The following MAN2B1 variants were observed in gnomAD, a reference collection of about 807,000 sequenced individuals.
MAN2B1 encodes the protein lysosomal alpha-mannosidase.
Under a neutral mutation model 127.5 loss-of-function variants are expected in MAN2B1, and 99 were observed. The ratio of observed to expected loss-of-function variants is 0.78; its 90% CI spans 0.66 to 0.92. The LOEUF is 0.92. MAN2B1 is among the 40% of genes least tolerant of loss of function. MAN2B1 has a pLI of 0.00. For synonymous variants in MAN2B1, 573 were observed against 568.8 expected (o/e 1.01, Z -0.11); for missense variants, 1,304 against 1,384.8 (o/e 0.94, Z 0.93).
At chr19:12,656,462 T>G in intron 13 of MAN2B1, 109 bp downstream of exon 13, 1 of 766,908 alleles carries the variant, frequency 1.3e-6, no homozygotes, top group South Asian at 1.5e-5. Flanking sequence ...GGAAGAGATA[T>G]GCATGAGTGG....
At position 12,663,432 on chromosome 19, in the gene MAN2B1, C is replaced by T. The variant is rs1356568373; in HGVS notation, c.794G>A (p.Arg265Lys). 1 of 1,614,152 alleles carries T rather than the reference C, an allele frequency of 6.2e-7. No homozygotes were observed. Among genetic ancestry groups the T allele is most frequent in the South Asian group, 1.1e-5 (1 of 91,088 alleles). Reference sequence around the variant, plus strand: ...ACACAGCACATCCCAGCACAGATTCCTTGGCGGGTTGTAACCATTGGGAAG... The same window carrying T: ...ACACAGCACATCCCAGCACAGATTCTTTGGCGGGTTGTAACCATTGGGAAG... Reference protein sequence around the residue: ...GVLPNGYNPPRNLCWDVLCVD... With the variant: ...GVLPNGYNPPKNLCWDVLCVD... The change falls in exon 6 of 24, where the codon AGG (arginine) becomes AAG (lysine). Residue 265 changes from arginine (R) to lysine (K), a missense_variant. Coordinates refer to ENST00000456935, the MANE Select transcript of MAN2B1 (RefSeq NM_000528.4).
rs2024016754 is a variant in MAN2B1, at chr19:12,658,156, G to A, written c.1231-15C>T. 22 of 1,613,442 alleles carry A rather than the reference G, an allele frequency of 1.4e-5. No homozygotes were observed. The highest frequency in any genetic ancestry group is 1.9e-5 in the Non-Finnish European group (22 of 1,179,948). On this transcript the variant is annotated splice_polypyrimidine_tract_variant and intron_variant, in intron 9 of 23. Transcript: ENST00000456935. The stretch of plus-strand genomic sequence containing the variant: ...TGGTTGCACACCTGGAGGCAGAGGG[G>A]TATGTTGGGGCGCCCAGCCTGTCGG...
chr19:12,665,943 G>C (rs950941453), intron 1 of MAN2B1, 138 bp from the exon 2 acceptor site: 2 of 713,494 alleles, frequency 2.8e-6, no homozygotes, highest in South Asian at 3.0e-5. Context: ...GGCCCTCCCA[G>C]GCAGGACACA....
At chr19:12,648,054 G>A in intron 21 of MAN2B1, 121 bp downstream of exon 21, 2 of 1,062,012 alleles carry the variant, frequency 1.9e-6, no homozygotes, top group South Asian at 1.4e-5. Flanking sequence ...GGGTTGGCCC[G>A]AGGGTTTGGG....
chr19:12,653,973 C>A (rs1378085684), intron 14 of MAN2B1, among the ~76,000 whole-genome samples: 1 of 152,136 alleles, frequency 6.6e-6, no homozygotes, highest in Non-Finnish European at 1.5e-5. Flanking sequence ...CCAGCCTCAG[C>A]CTCCCAAAGT....
In MAN2B1 at chr19:12,665,008, A is replaced by T. The variant is rs879024862; in HGVS notation, c.437-23T>A. Reference sequence around the variant, plus strand: ...GCCCTGTGCCAGGACAGGCAAGGTCAGGGTCAGCGGTCAGAGCCAGGAGTG... The same window carrying T: ...GCCCTGTGCCAGGACAGGCAAGGTCTGGGTCAGCGGTCAGAGCCAGGAGTG... On this transcript the variant is annotated intron_variant, in intron 3 of 23. Coordinates refer to ENST00000456935, the MANE Select transcript of MAN2B1 (RefSeq NM_000528.4). 3 of 1,609,650 alleles carry T rather than the reference A, an allele frequency of 1.9e-6. No homozygotes were observed. The South Asian group carries it at 3.3e-5, about 18-fold the overall frequency.
chr19:12,663,324 G>A lies in MAN2B1; in HGVS notation c.902C>T (p.Thr301Ile). 3 of 1,614,210 alleles carry A rather than the reference G, an allele frequency of 1.9e-6. No homozygotes were observed. Among genetic ancestry groups the A allele is most frequent in the Non-Finnish European group, 2.5e-6 (3 of 1,180,034 alleles). ...TCTGGACACCAGGGTTACCTGGGCA[G>A]TGGCCACATTTAGGAAGTAATCGAC... Reference protein sequence around the residue: ...ELVDYFLNVATAQGRYYRTNH... With the variant: ...ELVDYFLNVAIAQGRYYRTNH... The change falls in exon 6 of 24, where the codon ACT (threonine) becomes ATT (isoleucine). Residue 301 changes from threonine to isoleucine, a missense_variant. Coordinates refer to ENST00000456935, the MANE Select transcript of MAN2B1 (RefSeq NM_000528.4).
chr19:12,665,854 C>A (rs758380232), intron 1 of MAN2B1, 49 bp from the exon 2 acceptor site: 8 of 1,464,744 alleles, frequency 5.5e-6, no homozygotes, highest in South Asian at 2.3e-5. Flanking sequence ...CCCCCGAGGT[C>A]GGGGGCTGCA....
intron 20 of MAN2B1, 43 bp downstream of exon 20, chr19:12,649,093 G>T (rs775862875): frequency 6.4e-7 from 1 of 1,556,680 alleles, no homozygotes. Flanking sequence ...CAGGGGTCCA[G>T]GTTGGGAGGA....
In MAN2B1 at chr19:12,657,563, T is replaced by C; in HGVS notation, c.1310-8A>G. The C allele has an allele frequency of 6.4e-7, 1 of 1,555,406 alleles. No homozygotes were observed. The highest frequency in any genetic ancestry group is 8.7e-7 in the Non-Finnish European group (1 of 1,149,028). On this transcript the variant is annotated splice_region_variant and splice_polypyrimidine_tract_variant and intron_variant, in intron 10 of 23. Coordinates refer to ENST00000456935, the MANE Select transcript of MAN2B1 (RefSeq NM_000528.4). ...GCACAGCCATCGCCTCATCTGCTCA[T>C]AGACAATGAGTCCGGTGAGGTTCTG...
intron 18 of MAN2B1, 47 bp from the exon 19 acceptor site, chr19:12,649,475 C>CTATT: frequency 1.7e-6 from 1 of 574,492 alleles, no homozygotes; most frequent in Non-Finnish European, 2.8e-6. Flanking sequence ...GGCTCCCCAA[C>CTATT]TCTTTTTTTT....
chr19:12,648,243 C>A lies in MAN2B1; in HGVS notation c.2596G>T (p.Ala866Ser), dbSNP rs1178086242. 1 of 1,596,472 alleles carries A rather than the reference C, an allele frequency of 6.3e-7. No homozygotes were observed. The highest frequency in any genetic ancestry group is 1.1e-5 in the South Asian group (1 of 89,592). ...CCCGGGGCCAGCACCACCTGAGGGG[C>A]CAGGACCTCCTGCTCCGCCAGGAGC... ...HRLLAEQEVL[A>S]PQVVLAPGGG... is the part of the protein sequence containing the mutation. Residue 866 changes from alanine (A) to serine (S), a missense_variant, in exon 21 of 24, where the codon GCC (alanine) becomes TCC (serine). Ala to Ser is a moderately conservative substitution (Grantham distance 99, BLOSUM62 1). Transcript: ENST00000456935.
intron 4 of MAN2B1, among the ~76,000 whole-genome samples, chr19:12,664,111 A>G (rs1167885808): frequency 6.6e-6 from 1 of 152,190 alleles, no homozygotes; most frequent in Admixed American, 6.5e-5. Context: ...TTGTAGTCTC[A>G]TCTACTAGGG....
chr19:12,652,040 C>A (rs2023849384), intron 16 of MAN2B1, 113 bp downstream of exon 16: 1 of 839,988 alleles, frequency 1.2e-6, no homozygotes, highest in South Asian at 1.3e-5. Context: ...GCCCACTGAT[C>A]TGAAGGAAAA....
chr19:12,664,957 C>T lies in MAN2B1; in HGVS notation c.465G>A (p.Trp155Ter). The T allele has an allele frequency of 6.2e-7, 1 of 1,614,018 alleles. No individual in the cohort carries two copies. Among genetic ancestry groups the T allele is most frequent in the Non-Finnish European group, 8.5e-7 (1 of 1,180,036 alleles). The change falls in exon 4 of 24, where the codon TGG becomes TGA. Residue 155 changes from tryptophan (W) to a stop codon, truncating the protein, a stop_gained. Transcript: ENST00000456935. LOFTEE classifies it high-confidence loss of function. The stretch of plus-strand genomic sequence containing the variant: ...GGGTGGCTGCCTCATCGTTCATCAC[C>T]CAGCCACCATTGGCGAACTCCAGGC... ...QGRLEFANGG[W>*]VMNDEAATHY...
intron 23 of MAN2B1, 177 bp from the exon 24 acceptor site, chr19:12,646,909 T>C (rs2023701703): frequency 1.6e-6 from 1 of 628,874 alleles, no homozygotes; most frequent in Admixed American, 2.5e-5. Context: ...CCAGGTCCAA[T>C]GTCCTCATAC....
In MAN2B1 at chr19:12,649,387, G is replaced by A. The variant is rs764964301; in HGVS notation, c.2309C>T (p.Pro770Leu). The change falls in exon 19 of 24, where the codon CCC becomes CTC. Residue 770 changes from proline (P) to leucine (L), a missense_variant. Pro to Leu is a moderately conservative substitution (Grantham distance 98). Coordinates refer to ENST00000456935, the MANE Select transcript of MAN2B1 (RefSeq NM_000528.4). ...GACTGGATAGTAGTTTCCTGCCACGGGCTCCGTCTGGTTCAGTTTCCAGGT... is the reference window on the plus strand; with the variant it reads ...GACTGGATAGTAGTTTCCTGCCACGAGCTCCGTCTGGTTCAGTTTCCAGGT... The part of the protein sequence containing the change: ...RPTWKLNQTE[P>L]VAGNYYPVNT... 1.5e-5 allele frequency: 25 copies of A among 1,613,128 alleles called. No homozygotes were observed. The highest frequency in any genetic ancestry group is 2.1e-5 in the Non-Finnish European group (25 of 1,179,682).
At chr19:12,654,588 G>A (rs745591196) in intron 14 of MAN2B1, among the ~76,000 whole-genome samples, 17 of 152,200 alleles carry the variant, frequency 1.1e-4, no homozygotes, top group Non-Finnish European at 2.2e-4. Flanking sequence ...GGGCCTGTGG[G>A]AACGTTTTAA....
intron 6 of MAN2B1, among the ~76,000 whole-genome samples, 175 bp from the exon 7 acceptor site, chr19:12,661,551 T>C (rs890536430): frequency 3.3e-5 from 5 of 152,200 alleles, no homozygotes; most frequent in African/African-American, 9.6e-5. Flanking sequence ...AGCAGTTCTC[T>C]TGGACCCACT....
Sources: allele counts gnomAD v4.1 joint callset (sites outside exome capture counted in the v4.1 genomes callset), GRCh38; gene constraint gnomAD v4.1.1; transcripts MANE v1.5; gene names NCBI Gene and HGNC (gene_info 2026-07-23, HGNC 2026-07-21).